Variants in BCAS1 observed in about 807,000 individuals in gnomAD.
BCAS1 encodes the protein breast carcinoma-amplified sequence 1.
In BCAS1, 46 loss-of-function variants were observed where a neutral mutation model predicts 65.4. The observed-to-expected ratio is 0.70, with a 90% CI of 0.55 to 0.90. The LOEUF (loss-of-function observed/expected upper bound fraction) is 0.90. BCAS1 is among the 40% of genes least tolerant of loss of function. The pLI is 0.00. For missense variants in BCAS1, 793 were observed against 771.2 expected (o/e 1.03, Z -0.33); for synonymous variants, 298 against 293.5 (o/e 1.02, Z -0.16).
At chr20:53,954,254 GAAA>G (rs1201840566) in intron 11 of BCAS1, among the ~76,000 whole-genome samples, 7 of 149,546 alleles carry the variant, frequency 4.7e-5, no homozygotes, top group African/African-American at 1.7e-4. Flanking sequence ...AAATCTCCCC[GAAA>G]AGGAAGCCAA....
Position 54,028,878 on chromosome 20 carries a change from A to G in BCAS1, c.237T>C (p.Asn79=). 1.2e-6 allele frequency: 2 copies of G among 1,613,772 alleles called. 1 individual carries two copies. The highest frequency in any genetic ancestry group is 1.7e-6 in the Non-Finnish European group (2 of 1,179,984). The change falls in exon 4 of 13, where the codon AAT becomes AAC. Residue 79 remains asparagine (N), a synonymous_variant. Coordinates refer to ENST00000688948, the MANE Select transcript of BCAS1 (RefSeq NM_001366298.2). ...CCTCGGGTTTGGCCTCTTTCCCAAG[A>G]TTCTTTCCGTTGGCATCCGCAACAG... The part of the protein sequence containing the change: ...ISAVADANGK[N]LGKEAKPEAP...
chr20:54,028,501 T>C lies in BCAS1; in HGVS notation c.614A>G (p.Glu205Gly), dbSNP rs1568894694. ...DKFFKLDKGQ[E>G]KVPGDSQQEA... Reference sequence around the variant, plus strand: ...CTGTTGGCTGTCACCTGGCACCTTTTCCTGTCCCTTGTCCAGCTTGAAGAA... The same window carrying C: ...CTGTTGGCTGTCACCTGGCACCTTTCCCTGTCCCTTGTCCAGCTTGAAGAA... Residue 205 changes from glutamate (E) to glycine (G), a missense_variant, in exon 4 of 13, where the codon GAA (glutamate) becomes GGA (glycine). Coordinates refer to ENST00000688948, the MANE Select transcript of BCAS1 (RefSeq NM_001366298.2). 3 of 1,614,180 alleles carry C rather than the reference T, an allele frequency of 1.9e-6. No individual in the cohort carries two copies. Among genetic ancestry groups the C allele is most frequent in the Non-Finnish European group, 2.5e-6 (3 of 1,180,026 alleles).
intron 3 of BCAS1, among the ~76,000 whole-genome samples, chr20:54,035,320 G>T (rs1333889987): frequency 6.9e-6 from 1 of 145,898 alleles, no homozygotes; most frequent in Non-Finnish European, 1.5e-5. Context: ...AGAATGGTGT[G>T]AACCCGGGAG....
At chr20:54,033,844 C>T (rs1236588857) in intron 3 of BCAS1, among the ~76,000 whole-genome samples, 1 of 151,108 alleles carries the variant, frequency 6.6e-6, no homozygotes, top group African/African-American at 2.4e-5. Context: ...AGATATACAA[C>T]AAGAAAAGCT....
intron 3 of BCAS1, among the ~76,000 whole-genome samples, chr20:54,045,315 G>A (rs776892007): frequency 3.3e-5 from 5 of 152,042 alleles, no homozygotes; most frequent in Admixed American, 6.5e-5. Flanking sequence ...CATAATGGCT[G>A]AATGAATTAT....
At chr20:53,960,318 C>T (rs1210045891) in intron 10 of BCAS1, among the ~76,000 whole-genome samples, 2 of 152,028 alleles carry the variant, frequency 1.3e-5, no homozygotes, top group Non-Finnish European at 2.9e-5. Flanking sequence ...AATTTGCTTT[C>T]TTTCCCCCCA....
At chr20:54,028,359 C>G (rs1286595201) in intron 4 of BCAS1, 33 bp downstream of exon 4, 1 of 1,612,152 alleles carries the variant, frequency 6.2e-7, no homozygotes. Context: ...AGCATGCATT[C>G]AGAACCAAGT....
At chr20:53,990,080 G>A (rs2090716745) in intron 7 of BCAS1, among the ~76,000 whole-genome samples, 1 of 152,118 alleles carries the variant, frequency 6.6e-6, no homozygotes, top group Non-Finnish European at 1.5e-5. Context: ...ATTGGGTGTG[G>A]GAGAGAGGAG....
At chr20:54,030,687 A>G (rs946898303) in intron 3 of BCAS1, among the ~76,000 whole-genome samples, 1 of 151,328 alleles carries the variant, frequency 6.6e-6, no homozygotes, top group Non-Finnish European at 1.5e-5. Context: ...AACAACAAAC[A>G]AAAAAGGGGG....
chr20:53,956,626 G>A (rs1407755127), intron 11 of BCAS1, among the ~76,000 whole-genome samples: 1 of 151,526 alleles, frequency 6.6e-6, no homozygotes, highest in African/African-American at 2.4e-5. Context: ...AAACTGAGGT[G>A]CTGACAGATT....
chr20:54,058,512 C>T, intron 2 of BCAS1, 135 bp downstream of exon 2: 4 of 1,440,976 alleles, frequency 2.8e-6, no homozygotes, highest in South Asian at 1.4e-5. Flanking sequence ...AGGTTATCCT[C>T]GCTCCACTGT....
intron 1 of BCAS1, among the ~76,000 whole-genome samples, chr20:54,059,095 G>A (rs549317406): frequency 1.3e-5 from 2 of 152,254 alleles, no homozygotes; most frequent in East Asian, 1.9e-4. Context: ...CGAGAACAGC[G>A]TGGAGGAACC....
At chr20:54,066,350 G>A (rs1432065572) in intron 1 of BCAS1, among the ~76,000 whole-genome samples, 4 of 152,180 alleles carry the variant, frequency 2.6e-5, no homozygotes, top group Non-Finnish European at 2.9e-5. Flanking sequence ...GGGATTACAG[G>A]CGTGAGCCAC....
chr20:54,037,467 C>T (rs778207753), intron 3 of BCAS1, among the ~76,000 whole-genome samples: 5 of 151,298 alleles, frequency 3.3e-5, no homozygotes, highest in African/African-American at 9.7e-5. Context: ...AAAAGCCTAA[C>T]GACATCAAGC....
intron 11 of BCAS1, among the ~76,000 whole-genome samples, chr20:53,954,578 G>GT (rs987731224): frequency 2.0e-5 from 3 of 152,112 alleles, no homozygotes; most frequent in African/African-American, 7.2e-5. Context: ...AATGTATATC[G>GT]TTTTTTGTCA....
chr20:54,052,065 A>G (rs2092225164), intron 3 of BCAS1, among the ~76,000 whole-genome samples: 1 of 152,190 alleles, frequency 6.6e-6, no homozygotes, highest in South Asian at 2.1e-4. Flanking sequence ...AAAAAACTTC[A>G]TTGTACCTTA....
In BCAS1 at chr20:54,028,575, T is replaced by C. The variant is rs61749688; in HGVS notation, c.540A>G (p.Ala180=). ...TGGGCTTGGAGGGAGCTTCTCCTCC[T>C]GCTCCCCCTGTCTCAGGTGGGAGAA... ...PTLLPPETGG[A]GGEAPSKPKD... Residue 180 remains alanine, a synonymous_variant, in exon 4 of 13, where the codon GCA becomes GCG. Transcript: ENST00000688948. 0.011 allele frequency: 18,024 copies of C among 1,614,192 alleles called. 162 individuals are homozygous for C. Among genetic ancestry groups the C allele is most frequent in the Middle Eastern group, 0.015 (88 of 6,062 alleles).
rs898409090 is a variant in BCAS1, at chr20:53,944,624, A to C, written c.*298T>G. 9 of 307,548 alleles carry C rather than the reference A, an allele frequency of 2.9e-5. No individual in the cohort carries two copies. Among genetic ancestry groups the C allele is most frequent in the Admixed American group, 1.7e-4 (4 of 23,750 alleles). 19.1% of individuals were successfully genotyped at this position (307,548 alleles called of 1,614,324 possible). A position where few individuals can be genotyped will look rare whatever the true frequency, so the allele number is the denominator to read the frequency against. On this transcript the variant is annotated 3_prime_UTR_variant, in exon 13 of 13. Coordinates refer to ENST00000688948, the MANE Select transcript of BCAS1 (RefSeq NM_001366298.2). The stretch of plus-strand genomic sequence containing the variant: ...ACGCCCGGCCACCACTGCCATTTTC[A>C]TCACTTAACCCGAACACATTCCTCT...
chr20:54,042,394 A>G (rs1044623131), intron 3 of BCAS1, among the ~76,000 whole-genome samples: 3 of 152,232 alleles, frequency 2.0e-5, no homozygotes, highest in African/African-American at 7.2e-5. Flanking sequence ...ACCTAGATAA[A>G]AGTTTAAAAA....
Sources: gnomAD v4.1 joint callset for allele counts (sites outside exome capture counted in the v4.1 genomes callset) on GRCh38, gnomAD v4.1.1 for gene constraint, MANE v1.5 for transcripts, NCBI Gene and HGNC (gene_info 2026-07-23, HGNC 2026-07-21) for gene names.